Variants in GABRG1 observed in about 807,000 individuals in gnomAD.
The protein encoded by GABRG1 is gamma-aminobutyric acid receptor subunit gamma-1.
Under a neutral mutation model 49.8 loss-of-function variants are expected in GABRG1, and 49 were observed. That is an observed-to-expected ratio of 0.98 (90% confidence interval 0.78 to 1.25). The LOEUF (loss-of-function observed/expected upper bound fraction) is 1.25, where lower values mean the gene tolerates loss of function less well. Among genes scored for constraint, GABRG1 ranks in the 50% most tolerant of loss-of-function variants. The pLI is 0.00. For synonymous variants in GABRG1, 232 were observed against 185.1 expected (o/e 1.25, Z -2.06); for missense variants, 552 against 552.3 (o/e 1.00, Z 0.01).
At chr4:46,072,352 G>A (rs1719162428) in intron 3 of GABRG1, among the ~76,000 whole-genome samples, 1 of 151,938 alleles carries the variant, frequency 6.6e-6, no homozygotes, top group Non-Finnish European at 1.5e-5. Context: ...AACTGTATTT[G>A]GGCACCATAG....
At chr4:46,058,894 T>C (rs4695142) in intron 5 of GABRG1, among the ~76,000 whole-genome samples, 76,947 of 151,842 alleles carry the variant, frequency 0.51, 20,088 homozygotes, top group African/African-American at 0.63. Flanking sequence ...ATATAGTACT[T>C]CCTCCCCAAT....
At chr4:46,076,263 T>G (rs1192540595) in intron 3 of GABRG1, among the ~76,000 whole-genome samples, 2 of 150,296 alleles carry the variant, frequency 1.3e-5, no homozygotes, top group Non-Finnish European at 3.0e-5. Context: ...AATTTTGGTT[T>G]TTAACATTCA....
intron 1 of GABRG1, among the ~76,000 whole-genome samples, chr4:46,103,552 A>C (rs763155128): frequency 6.6e-6 from 1 of 151,552 alleles, no homozygotes; most frequent in Non-Finnish European, 1.5e-5. Flanking sequence ...GGGGCTAACA[A>C]TATTTTAATA....
At chr4:46,115,806 G>A (rs1429112814) in intron 1 of GABRG1, among the ~76,000 whole-genome samples, 1 of 150,508 alleles carries the variant, frequency 6.6e-6, no homozygotes, top group Non-Finnish European at 1.5e-5. Context: ...TCGGACAATT[G>A]CCAATCATAT....
Position 46,056,751 on chromosome 4 carries a change from A to T in GABRG1, c.916+1466T>A, listed in dbSNP as rs548387724. On this transcript the variant is annotated intron_variant, in intron 7 of 8. Coordinates refer to ENST00000295452, the MANE Select transcript of GABRG1 (RefSeq NM_173536.4). ...AGAAAAATGCAAGGTTGAGTTCAGG[A>T]AATTGTCTTGCAGTGATATGTGTGT... Among the ~76,000 whole-genome samples the T allele has an allele frequency of 5.9e-5, 9 of 152,210 alleles. No homozygotes were observed. In the South Asian group the frequency reaches 1.7e-3, roughly 28 times the overall value.
intron 3 of GABRG1, among the ~76,000 whole-genome samples, chr4:46,075,539 T>C (rs1003631303): frequency 6.6e-5 from 10 of 152,160 alleles, no homozygotes; most frequent in African/African-American, 2.4e-4. Context: ...CTGAGATTAC[T>C]GTATCCGAAT....
At chr4:46,084,642 C>A (rs778598293) in intron 2 of GABRG1, among the ~76,000 whole-genome samples, 16 of 151,598 alleles carry the variant, frequency 1.1e-4, no homozygotes, top group Non-Finnish European at 2.4e-4. Flanking sequence ...AAACACACAA[C>A]ACTTACATAG....
chr4:46,045,585 T>C (rs1284775354), intron 8 of GABRG1, among the ~76,000 whole-genome samples: 4 of 142,236 alleles, frequency 2.8e-5, no homozygotes, highest in African/African-American at 1.1e-4. Context: ...AAAAACAAGA[T>C]GATGGAAAGT....
chr4:46,089,288 A>G (rs559609042), intron 2 of GABRG1, among the ~76,000 whole-genome samples: 9 of 152,168 alleles, frequency 5.9e-5, no homozygotes, highest in African/African-American at 2.2e-4. Flanking sequence ...CCTAACCATA[A>G]AAGTCATTAT....
intron 1 of GABRG1, among the ~76,000 whole-genome samples, chr4:46,118,272 ATC>A (rs1560377628): frequency 8.9e-4 from 133 of 149,730 alleles, no homozygotes; most frequent in African/African-American, 3.0e-3. Flanking sequence ...CTATCTATCT[ATC>A]TATCTACCTA....
In GABRG1 at chr4:46,038,507, T is replaced by C. The variant is rs1436692186; in HGVS notation, c.*2481A>G. 6.6e-6 allele frequency: 1 copy of C among 151,548 alleles called. No individual in the cohort carries two copies. The highest frequency in any genetic ancestry group is 1.5e-5 in the Non-Finnish European group (1 of 67,640). The allele number at this position is 151,548 out of a possible 1,614,324, so 9.4% of individuals were successfully genotyped here. ...AGCATCCAGGAAAATCAAGTTCCAATAAATTCAATAAATTATTATATAACT... is the reference window on the plus strand; with the variant it reads ...AGCATCCAGGAAAATCAAGTTCCAACAAATTCAATAAATTATTATATAACT... On this transcript the variant is annotated 3_prime_UTR_variant, in exon 9 of 9. Coordinates refer to ENST00000295452, the MANE Select transcript of GABRG1 (RefSeq NM_173536.4).
chr4:46,060,271 G>T (rs1718624939), intron 5 of GABRG1, among the ~76,000 whole-genome samples: 2 of 152,122 alleles, frequency 1.3e-5, no homozygotes, highest in South Asian at 4.2e-4. Context: ...GTGTGTGTGT[G>T]TGTGTGTGTG....
At chr4:46,121,533 GAGAA>G (rs1247318862) in intron 1 of GABRG1, among the ~76,000 whole-genome samples, 1 of 151,796 alleles carries the variant, frequency 6.6e-6, no homozygotes, top group African/African-American at 2.4e-5. Context: ...GAACCCAATG[GAGAA>G]AGAAACATGT....
Position 46,038,702 on chromosome 4 carries a change from G to T in GABRG1, c.*2286C>A, listed in dbSNP as rs1326777130. ...TTTTACCTTTTTATTCTTATTTTTA[G>T]AAATAATAAGATTTGTACGCCATTC... On this transcript the variant is annotated 3_prime_UTR_variant, in exon 9 of 9. Coordinates refer to ENST00000295452, the MANE Select transcript of GABRG1 (RefSeq NM_173536.4). 1.3e-5 allele frequency: 2 copies of T among 151,486 alleles called. No homozygotes were observed. Among genetic ancestry groups the T allele is most frequent in the Non-Finnish European group, 3.0e-5 (2 of 67,640 alleles). The allele number at this position is 151,486 out of a possible 1,614,324, so 9.4% of individuals were successfully genotyped here. A position where few individuals can be genotyped will look rare whatever the true frequency, so the allele number is the denominator to read the frequency against.
chr4:46,107,179 T>C (rs190252177), intron 1 of GABRG1, among the ~76,000 whole-genome samples: 1 of 151,388 alleles, frequency 6.6e-6, no homozygotes, highest in East Asian at 2.0e-4. Context: ...TTTGTACCCA[T>C]TATGTGGTTT....
chr4:46,110,118 G>T lies in GABRG1; in HGVS notation c.105-12769C>A, dbSNP rs572362816. ...TTGCTAATGCTTTCAGTGGGATGTT[G>T]AAATCTTCAACTATGATTGGGTGAC... On this transcript the variant is annotated intron_variant, in intron 1 of 8. Transcript: ENST00000295452. 1.1e-4 allele frequency among the ~76,000 whole-genome samples: 16 copies of T among 151,162 alleles called. No individual in the cohort carries two copies. The South Asian group carries it at 1.7e-3, about 16-fold the overall frequency.
At chr4:46,063,909 C>G (rs1304400871) in intron 5 of GABRG1, among the ~76,000 whole-genome samples, 1 of 152,126 alleles carries the variant, frequency 6.6e-6, no homozygotes, top group African/African-American at 2.4e-5. Flanking sequence ...AATTATTCAC[C>G]TCTAACCACT....
rs200105027 is a variant in GABRG1 at position 46,123,773 on chromosome 4, T to G, written c.104+37A>C. 8.3e-6 allele frequency: 12 copies of G among 1,444,920 alleles called. No homozygotes were observed. In the East Asian group the frequency reaches 2.3e-4, roughly 27 times the overall value. The allele number at this position is 1,444,920 out of a possible 1,614,324, so 89.5% of individuals were successfully genotyped here. On this transcript the variant is annotated intron_variant, in intron 1 of 8. Coordinates refer to ENST00000295452, the MANE Select transcript of GABRG1 (RefSeq NM_173536.4). Reference sequence around the variant, plus strand: ...AGGGGAATAAGGGGAAAGGGGTAGATAGCAAAGAATAGTTTTAAACCCCTG... The same window carrying G: ...AGGGGAATAAGGGGAAAGGGGTAGAGAGCAAAGAATAGTTTTAAACCCCTG...
intron 1 of GABRG1, among the ~76,000 whole-genome samples, chr4:46,123,097 CACAA>C (rs1560379354): frequency 3.2e-5 from 4 of 124,222 alleles, no homozygotes; most frequent in African/African-American, 7.0e-5. Context: ...GTCCCATACA[CACAA>C]ACACACACAC....
Sources: gnomAD v4.1 joint callset for allele counts (sites outside exome capture counted in the v4.1 genomes callset) on GRCh38, gnomAD v4.1.1 for gene constraint, MANE v1.5 for transcripts, NCBI Gene and HGNC (gene_info 2026-07-23, HGNC 2026-07-21) for gene names.